GCNT1: variants seen among roughly 807,000 people sequenced by gnomAD.
The protein encoded by GCNT1 is beta-1,3-galactosyl-O-glycosyl-glycoprotein beta-1,6-N-acetylglucosaminyltransferase.
Under a neutral mutation model 26.2 loss-of-function variants are expected in GCNT1, and 16 were observed. The ratio of observed to expected loss-of-function variants is 0.61; its 90% CI spans 0.41 to 0.93. GCNT1 has a LOEUF of 0.93. Ranked by LOEUF, GCNT1 falls within the 40% of genes least tolerant of loss-of-function variation. The pLI, the probability that GCNT1 is intolerant of heterozygous loss-of-function variation, is 0.00. For missense variants in GCNT1, 477 were observed against 526.7 expected, an observed-to-expected ratio of 0.91 and a Z score of 0.92; for synonymous variants, 183 against 190.8, an observed-to-expected ratio of 0.96 and a Z score of 0.34.
chr9:76,465,547 T>C (rs530244545), intron 2 of GCNT1, among the ~76,000 whole-genome samples: 2 of 152,326 alleles, frequency 1.3e-5, no homozygotes, highest in East Asian at 3.9e-4. Context: ...TGTGGACCAA[T>C]TAGAAAAAAT....
intron 1 of GCNT1, among the ~76,000 whole-genome samples, chr9:76,443,309 G>C (rs1218205710): frequency 6.6e-6 from 1 of 152,194 alleles, no homozygotes; most frequent in Non-Finnish European, 1.5e-5. Flanking sequence ...ACAGCCTTCA[G>C]AGCTGAGAGC....
At chr9:76,395,716 A>G in the GCNT1 span, among the ~76,000 whole-genome samples, 1 of 152,358 alleles carries the variant, frequency 6.6e-6, no homozygotes, top group South Asian at 2.1e-4. Context: ...TCAGTTACTT[A>G]TCTATACGGA....
At chr9:76,394,233 G>C in the GCNT1 span, 1 of 1,508,350 alleles carries the variant, frequency 6.6e-7, no homozygotes, top group Non-Finnish European at 8.9e-7. Context: ...AGCCGCCGTC[G>C]ACGCGGCGCC....
At chr9:76,487,301 G>A (rs540004309) in intron 2 of GCNT1, among the ~76,000 whole-genome samples, 1 of 152,186 alleles carries the variant, frequency 6.6e-6, no homozygotes, top group South Asian at 2.1e-4. Context: ...ATACTGGCAT[G>A]GCTTTGACAT....
At chr9:76,395,009 G>A in the GCNT1 span, among the ~76,000 whole-genome samples, 1 of 152,190 alleles carries the variant, frequency 6.6e-6, no homozygotes, top group South Asian at 2.1e-4. Flanking sequence ...AGAAGTCCCT[G>A]TCTGTGACGC....
At chr9:76,398,844 T>C in the GCNT1 span, 1 of 1,447,414 alleles carries the variant, frequency 6.9e-7, no homozygotes, top group Non-Finnish European at 9.6e-7. Context: ...ATCTATATCA[T>C]AAATCTGAAG....
upstream of GCNT1, among the ~76,000 whole-genome samples, chr9:76,439,966 T>C (rs1823461797): frequency 6.6e-6 from 1 of 151,956 alleles, no homozygotes; most frequent in Non-Finnish European, 1.5e-5. Flanking sequence ...CCGGGCTTGG[T>C]GGTGGGCACC....
the GCNT1 span, among the ~76,000 whole-genome samples, chr9:76,403,470 A>T: frequency 2.0e-5 from 3 of 152,240 alleles, no homozygotes; most frequent in Non-Finnish European, 4.4e-5. Flanking sequence ...TCATGCATCC[A>T]CAAGATGGCA....
At chr9:76,419,637 G>A (rs1174841000), upstream of GCNT1, among the ~76,000 whole-genome samples, 3 of 152,140 alleles carry the variant, frequency 2.0e-5, no homozygotes, top group East Asian at 5.8e-4. Flanking sequence ...CAGCCTGGGG[G>A]ACAAATTGAG....
upstream of GCNT1, among the ~76,000 whole-genome samples, chr9:76,416,201 C>G (rs1449256253): frequency 6.6e-6 from 1 of 152,102 alleles, no homozygotes; most frequent in African/African-American, 2.4e-5. Flanking sequence ...AGAGAAGAAG[C>G]ATCTGACTGT....
intron 1 of GCNT1, among the ~76,000 whole-genome samples, chr9:76,451,102 T>C (rs1232197563): frequency 6.6e-6 from 1 of 152,240 alleles, no homozygotes; most frequent in East Asian, 1.9e-4. Context: ...GCTTTCTCCA[T>C]GCTTTGAAAG....
intron 2 of GCNT1, among the ~76,000 whole-genome samples, chr9:76,472,250 T>C (rs1055842345): frequency 1.4e-4 from 21 of 152,194 alleles, no homozygotes; most frequent in African/African-American, 4.8e-4. Flanking sequence ...ACCTCTGTAC[T>C]TCAGCCTGGG....
chr9:76,465,229 G>A (rs954611394), intron 2 of GCNT1, among the ~76,000 whole-genome samples: 16 of 150,516 alleles, frequency 1.1e-4, no homozygotes, highest in African/African-American at 3.7e-4. Flanking sequence ...GTGCAATCTC[G>A]GCTCACTGCA....
chr9:76,428,038 G>A (rs976267615), intron 1 of GCNT1, among the ~76,000 whole-genome samples: 2 of 151,806 alleles, frequency 1.3e-5, no homozygotes, highest in Admixed American at 6.6e-5. Context: ...AGGCCAAGGC[G>A]GGCAAATCAC....
At chr9:76,464,453 G>A (rs1197320137) in intron 2 of GCNT1, among the ~76,000 whole-genome samples, 1 of 152,220 alleles carries the variant, frequency 6.6e-6, no homozygotes, top group Non-Finnish European at 1.5e-5. Context: ...CCGAGCTCAA[G>A]CGATCTGCCC....
chr9:76,398,810 A>G, the GCNT1 span: 1 of 1,373,200 alleles, frequency 7.3e-7, no homozygotes, highest in Non-Finnish European at 1.0e-6. Context: ...GGAACAGTAC[A>G]TCTGTAAAAG....
At chr9:76,407,315 CTT>C in the GCNT1 span, among the ~76,000 whole-genome samples, 1 of 149,172 alleles carries the variant, frequency 6.7e-6, no homozygotes, top group African/African-American at 2.5e-5. Flanking sequence ...TGTCTAGATT[CTT>C]TTTTTTTTCC....
At chr9:76,460,887 G>T (rs1823858184) in intron 2 of GCNT1, among the ~76,000 whole-genome samples, 1 of 152,144 alleles carries the variant, frequency 6.6e-6, no homozygotes, top group African/African-American at 2.4e-5. Flanking sequence ...CCCCAAGTTT[G>T]TACTAGATTC....
intron 1 of GCNT1, among the ~76,000 whole-genome samples, chr9:76,442,509 T>C (rs2985284): frequency 3.3e-5 from 5 of 151,914 alleles, no homozygotes; most frequent in African/African-American, 4.8e-5. Context: ...GGCAAAACCC[T>C]GTCTCTACTA....
Sources: gnomAD v4.1 joint callset for allele counts (sites outside exome capture counted in the v4.1 genomes callset) on GRCh38, gnomAD v4.1.1 for gene constraint, MANE v1.5 for transcripts, NCBI Gene and HGNC (gene_info 2026-07-23, HGNC 2026-07-21) for gene names.